The following AGBL1 variants were observed in gnomAD, a reference collection of about 807,000 sequenced individuals.
AGBL1 encodes AGBL carboxypeptidase 1, also known as cytosolic carboxypeptidase 4.
AGBL1 carries 130 observed loss-of-function variants against 118.9 expected under a neutral mutation model. The ratio of observed to expected loss-of-function variants is 1.09; its 90% CI spans 0.95 to 1.26. AGBL1 has a LOEUF of 1.26. AGBL1 is among the 50% of genes most tolerant of loss of function. AGBL1 has a pLI of 0.00. For synonymous variants in AGBL1, 555 were observed against 478.9 expected (o/e 1.16, Z -2.08); for missense variants, 1,584 against 1,298.1 (o/e 1.22, Z -3.38).
rs184162183 is a variant in AGBL1 at position 86,755,529 on chromosome 15, G to C, written c.3158+81093G>C. ...TTTCCTGAGTCTTTTCTGTTTTTCA[G>C]ATATAACGTACCGTTCATTTTAGGT... On this transcript the variant is annotated intron_variant, in intron 22 of 22. Coordinates refer to ENST00000614907, the MANE Select transcript of AGBL1 (RefSeq NM_001386094.1). Among the ~76,000 whole-genome samples the C allele has an allele frequency of 4.6e-3, 700 of 152,184 alleles. 7 individuals carry two copies. Among genetic ancestry groups the C allele is most frequent in the South Asian group, 0.015 (71 of 4,816 alleles).
At chr15:86,469,774 C>T (rs138076393) in intron 18 of AGBL1, among the ~76,000 whole-genome samples, 496 of 152,252 alleles carry the variant, frequency 3.3e-3, no homozygotes, top group Non-Finnish European at 5.5e-3. Context: ...ACTATTCTCA[C>T]TGGTATGAGG....
chr15:86,476,243 A>G (rs1462437189), intron 18 of AGBL1, among the ~76,000 whole-genome samples: 1 of 152,230 alleles, frequency 6.6e-6, no homozygotes, highest in Non-Finnish European at 1.5e-5. Flanking sequence ...TTAACCTTAA[A>G]TGTAAATGGG....
intron 3 of AGBL1, among the ~76,000 whole-genome samples, chr15:86,147,239 G>A (rs4887324): frequency 6.6e-6 from 1 of 151,752 alleles, no homozygotes; most frequent in Non-Finnish European, 1.5e-5. Context: ...CTGAGGTACC[G>A]GGTTCATCTC....
In AGBL1 at chr15:86,085,291, C is replaced by T. The variant is rs144949616; in HGVS notation, c.51+5268C>T. Among the ~76,000 whole-genome samples, 1,126 of 152,168 alleles carry T rather than the reference C, an allele frequency of 7.4e-3. 17 individuals are homozygous for T. The highest frequency in any genetic ancestry group is 0.026 in the African/African-American group (1,065 of 41,504). Reference sequence around the variant, plus strand: ...GATGAGGAGGGTGCCTAGTGATCTTCCCCCGGTCATGGCGGGGGTGGGGAT... The same window carrying T: ...GATGAGGAGGGTGCCTAGTGATCTTTCCCCGGTCATGGCGGGGGTGGGGAT... On this transcript the variant is annotated intron_variant, in intron 1 of 22. Transcript: ENST00000614907.
chr15:86,280,894 C>T (rs542023027), intron 16 of AGBL1, among the ~76,000 whole-genome samples: 4 of 152,320 alleles, frequency 2.6e-5, no homozygotes, highest in African/African-American at 9.6e-5. Flanking sequence ...AAAAAATACA[C>T]AACTAGTATT....
At chr15:86,660,563 A>T (rs1387496162) in intron 21 of AGBL1, among the ~76,000 whole-genome samples, 1 of 148,906 alleles carries the variant, frequency 6.7e-6, no homozygotes, top group East Asian at 2.0e-4. Context: ...TAGTCAACAC[A>T]TTTTTTTTTT....
intron 22 of AGBL1, among the ~76,000 whole-genome samples, chr15:86,709,703 A>T (rs968070029): frequency 3.9e-5 from 6 of 152,186 alleles, no homozygotes; most frequent in Admixed American, 3.9e-4. Context: ...CTATGGGAAG[A>T]CAGCATGGTG....
In AGBL1 at chr15:86,114,374, T is replaced by A. The variant is rs535339660; in HGVS notation, c.52-27630T>A. Among the ~76,000 whole-genome samples the A allele has an allele frequency of 3.3e-5, 5 of 152,118 alleles. No individual in the cohort carries two copies. In the East Asian group the frequency reaches 5.8e-4, roughly 18 times the overall value. ...CACTTCCAACTGAACTTGTGGGAGG[T>A]GGCCTGCGTCTTCTACTCTGGTCTG... On this transcript the variant is annotated intron_variant, in intron 1 of 22. Transcript: ENST00000614907.
chr15:86,488,689 A>G (rs540588254), intron 18 of AGBL1, among the ~76,000 whole-genome samples: 3 of 151,914 alleles, frequency 2.0e-5, no homozygotes, highest in South Asian at 2.1e-4. Flanking sequence ...TCCTCCCTAC[A>G]TATATACATA....
At chr15:86,819,521 A>T (rs553994514) in intron 22 of AGBL1, among the ~76,000 whole-genome samples, 1 of 152,092 alleles carries the variant, frequency 6.6e-6, no homozygotes, top group Admixed American at 6.5e-5. Context: ...GTTCACTCAA[A>T]TGAGTGAACT....
chr15:86,324,368 G>GT (rs1189755725), intron 17 of AGBL1, among the ~76,000 whole-genome samples: 3 of 152,340 alleles, frequency 2.0e-5, no homozygotes, highest in East Asian at 3.9e-4. Flanking sequence ...GATGGAAGCT[G>GT]TAGGGGTAGG....
At chr15:86,935,580 C>G (rs1402573265) in intron 23 of AGBL1, among the ~76,000 whole-genome samples, 1 of 152,200 alleles carries the variant, frequency 6.6e-6, no homozygotes, top group African/African-American at 2.4e-5. Flanking sequence ...CCATATCACC[C>G]TGAGTGGACC....
intron 24 of AGBL1, among the ~76,000 whole-genome samples, chr15:87,010,908 G>A (rs1301274780): frequency 1.3e-5 from 2 of 152,002 alleles, no homozygotes; most frequent in East Asian, 3.9e-4. Flanking sequence ...TTCCATCTCT[G>A]GAAAATCCTG....
At chr15:86,955,488 C>T (rs1159911464) in intron 23 of AGBL1, among the ~76,000 whole-genome samples, 5 of 151,698 alleles carry the variant, frequency 3.3e-5, no homozygotes, top group Admixed American at 2.6e-4. Context: ...GAACCAGACA[C>T]AAATGATGAA....
At position 86,187,323 on chromosome 15, in the gene AGBL1, T is replaced by C. The variant is rs534812959; in HGVS notation, c.488+28297T>C. On this transcript the variant is annotated intron_variant, in intron 5 of 22. Coordinates refer to ENST00000614907, the MANE Select transcript of AGBL1 (RefSeq NM_001386094.1). The stretch of plus-strand genomic sequence containing the variant: ...ATGAAATTCCAAAATACAACACAGA[T>C]AAGAGCCGCCTTGTTGGAAGCTATA... 6.6e-5 allele frequency among the ~76,000 whole-genome samples: 10 copies of C among 152,304 alleles called. No individual in the cohort carries two copies. The South Asian group carries it at 2.1e-3, about 32-fold the overall frequency.
chr15:86,268,744 G>A (rs2079111798), intron 13 of AGBL1, among the ~76,000 whole-genome samples: 2 of 152,128 alleles, frequency 1.3e-5, no homozygotes, highest in South Asian at 2.1e-4. Flanking sequence ...GAGCCCAGTG[G>A]TTAGAGTGTG....
intron 17 of AGBL1, among the ~76,000 whole-genome samples, chr15:86,320,302 AT>A (rs951409425): frequency 2.2e-4 from 32 of 148,600 alleles, no homozygotes; most frequent in South Asian, 6.4e-4. Flanking sequence ...ATAAAATTTT[AT>A]TTTTTTTTTG....
In AGBL1 at chr15:86,913,187, CCACACACACACATACACACACACACA is replaced by C. The variant is rs2080373687; in HGVS notation, c.*5906_*5931del. The C allele has an allele frequency of 8.1e-6, 1 of 123,862 alleles. No homozygotes were observed. Among genetic ancestry groups the C allele is most frequent in the African/African-American group, 3.5e-5 (1 of 28,364 alleles). 7.7% of individuals were successfully genotyped at this position (123,862 alleles called of 1,614,324 possible). A position where few individuals can be genotyped will look rare whatever the true frequency, so the allele number is the denominator to read the frequency against. Reference sequence around the variant, plus strand: ...GCTGAAGCTGAGTTTGAGTTCCCCACCACACACACACATACACACACACACACACACACACACACACGGCACAGGGC... The same window carrying C: ...GCTGAAGCTGAGTTTGAGTTCCCCACCACACACACACACACGGCACAGGGC... On this transcript the variant is annotated 3_prime_UTR_variant, in exon 23 of 23. Transcript: ENST00000614907.
intron 21 of AGBL1, among the ~76,000 whole-genome samples, chr15:86,558,076 A>C (rs145524397): frequency 6.6e-6 from 1 of 152,126 alleles, no homozygotes; most frequent in Admixed American, 6.5e-5. Context: ...AATCCACCCA[A>C]TGGATTATTT....
Sources: allele counts gnomAD v4.1 joint callset (sites outside exome capture counted in the v4.1 genomes callset), GRCh38; gene constraint gnomAD v4.1.1; transcripts MANE v1.5; gene names NCBI Gene and HGNC (gene_info 2026-07-23, HGNC 2026-07-21).